The following LRRTM4 variants were observed in gnomAD, a reference collection of about 807,000 sequenced individuals.
The protein encoded by LRRTM4 is leucine-rich repeat transmembrane neuronal protein 4.
In LRRTM4, 25 loss-of-function variants were observed where a neutral mutation model predicts 47.6. That is an observed-to-expected ratio of 0.53 (90% confidence interval 0.38 to 0.73). The LOEUF (loss-of-function observed/expected upper bound fraction) is 0.73. LRRTM4 is among the 30% of genes least tolerant of loss of function. The pLI is 0.00. For synonymous variants in LRRTM4, 311 were observed against 269.5 expected (o/e 1.15, Z -1.51); for missense variants, 638 against 713.4 (o/e 0.89, Z 1.20).
chr2:76,988,094 T>C (rs988520718), intron 3 of LRRTM4, among the ~76,000 whole-genome samples: 11 of 151,894 alleles, frequency 7.2e-5, no homozygotes, highest in Non-Finnish European at 1.3e-4. Context: ...TTTTTTCTTC[T>C]ATCAACTTTC....
chr2:77,013,717 T>C (rs1677957458), intron 3 of LRRTM4, among the ~76,000 whole-genome samples: 1 of 152,038 alleles, frequency 6.6e-6, no homozygotes. Flanking sequence ...ATTTACACAA[T>C]CTCTTGGACA....
intron 3 of LRRTM4, among the ~76,000 whole-genome samples, chr2:77,457,129 T>C (rs1255139777): frequency 3.4e-5 from 5 of 148,736 alleles, no homozygotes; most frequent in African/African-American, 1.2e-4. Context: ...TTTTTAAAAA[T>C]ACTAGTTATA....
chr2:76,938,436 T>C (rs1675030358), intron 3 of LRRTM4, among the ~76,000 whole-genome samples: 1 of 152,178 alleles, frequency 6.6e-6, no homozygotes, highest in African/African-American at 2.4e-5. Context: ...TTTAGAGTGA[T>C]TTTACTGATG....
intron 3 of LRRTM4, among the ~76,000 whole-genome samples, chr2:77,454,279 G>T (rs1454021027): frequency 6.6e-6 from 1 of 152,146 alleles, no homozygotes; most frequent in Non-Finnish European, 1.5e-5. Context: ...TCCTAAAAGA[G>T]GAACAAGAAC....
intron 3 of LRRTM4, among the ~76,000 whole-genome samples, chr2:76,964,583 C>G (rs1007931214): frequency 6.0e-5 from 9 of 150,414 alleles, no homozygotes; most frequent in African/African-American, 2.2e-4. Flanking sequence ...ATATTGAAAA[C>G]TGAAATAAAA....
intron 3 of LRRTM4, among the ~76,000 whole-genome samples, chr2:76,788,311 T>A (rs1331590076): frequency 6.6e-6 from 1 of 152,190 alleles, no homozygotes; most frequent in South Asian, 2.1e-4. Context: ...AGGAGTCACA[T>A]AGTCACATTA....
chr2:76,765,185 T>C lies in LRRTM4; in HGVS notation c.1552-16269A>G, dbSNP rs1258644611. Among the ~76,000 whole-genome samples, 13 of 152,248 alleles carry C rather than the reference T, an allele frequency of 8.5e-5. 1 individual carries two copies. The highest frequency in any genetic ancestry group is 8.5e-4 in the Admixed American group (13 of 15,292). On this transcript the variant is annotated intron_variant, in intron 3 of 3. Coordinates refer to ENST00000409884, the MANE Select transcript of LRRTM4 (RefSeq NM_001134745.3). ...TTTCTCTCTGTTAGAATAGGTCGTCTATTCTATGCATGTCACAGCATGATA... is the reference window on the plus strand; with the variant it reads ...TTTCTCTCTGTTAGAATAGGTCGTCCATTCTATGCATGTCACAGCATGATA...
intron 3 of LRRTM4, among the ~76,000 whole-genome samples, chr2:76,928,232 TGATAA>T (rs1157448246): frequency 6.6e-6 from 1 of 152,180 alleles, no homozygotes; most frequent in African/African-American, 2.4e-5. Context: ...TTTAAAATAT[TGATAA>T]AATAAAAATT....
chr2:77,114,859 C>T (rs533926180), intron 3 of LRRTM4, among the ~76,000 whole-genome samples: 11 of 152,128 alleles, frequency 7.2e-5, no homozygotes, highest in Non-Finnish European at 1.5e-4. Flanking sequence ...ATAAAGATCA[C>T]GAGGCAAGGC....
chr2:77,430,467 A>C (rs1573403820), intron 3 of LRRTM4, among the ~76,000 whole-genome samples: 1 of 152,228 alleles, frequency 6.6e-6, no homozygotes, highest in East Asian at 1.9e-4. Flanking sequence ...CATGGCTGTA[A>C]TCCTAGCATT....
At chr2:77,448,105 A>C (rs1676123227) in intron 3 of LRRTM4, among the ~76,000 whole-genome samples, 1 of 152,228 alleles carries the variant, frequency 6.6e-6, no homozygotes, top group Admixed American at 6.5e-5. Context: ...TTCTCTAATT[A>C]ATTTCTTATC....
chr2:76,765,161 TTC>T (rs762418454), intron 3 of LRRTM4, among the ~76,000 whole-genome samples: 144 of 152,320 alleles, frequency 9.5e-4, no homozygotes, highest in Non-Finnish European at 1.6e-3. Flanking sequence ...TTTCTTTCAT[TTC>T]TCTCTGTTAG....
intron 3 of LRRTM4, among the ~76,000 whole-genome samples, chr2:77,462,200 T>C (rs1676816368): frequency 1.3e-5 from 2 of 152,110 alleles, no homozygotes; most frequent in Admixed American, 6.6e-5. Context: ...TTTCACAGTA[T>C]TGAGAAAGCC....
intron 3 of LRRTM4, among the ~76,000 whole-genome samples, chr2:77,339,395 C>T (rs552316207): frequency 1.3e-4 from 19 of 151,930 alleles, no homozygotes; most frequent in Admixed American, 5.9e-4. Context: ...AATTTTAGGA[C>T]GACTTTTTTT....
At chr2:76,865,335 C>T (rs78705551) in intron 3 of LRRTM4, among the ~76,000 whole-genome samples, 6,454 of 152,124 alleles carry the variant, frequency 0.042, 448 homozygotes, top group African/African-American at 0.14. Flanking sequence ...TTTGGATGCT[C>T]TCAGGTAGTG....
chr2:76,796,810 C>A (rs184437210), intron 3 of LRRTM4, among the ~76,000 whole-genome samples: 2 of 151,970 alleles, frequency 1.3e-5, no homozygotes, highest in East Asian at 3.9e-4. Context: ...ATGACTTTGA[C>A]AAGCTGAGTG....
chr2:76,794,902 A>G (rs1173224513), intron 3 of LRRTM4, among the ~76,000 whole-genome samples: 2 of 152,192 alleles, frequency 1.3e-5, no homozygotes, highest in Non-Finnish European at 2.9e-5. Context: ...AGTTGTAGAA[A>G]AATTAAGATT....
chr2:77,148,227 T>C (rs1007962163), intron 3 of LRRTM4, among the ~76,000 whole-genome samples: 1 of 152,208 alleles, frequency 6.6e-6, no homozygotes, highest in African/African-American at 2.4e-5. Flanking sequence ...TTGCTGTTGA[T>C]TTCAGCTTGG....
intron 3 of LRRTM4, among the ~76,000 whole-genome samples, chr2:77,022,217 A>G (rs963366461): frequency 3.9e-5 from 6 of 152,184 alleles, no homozygotes; most frequent in Non-Finnish European, 5.9e-5. Flanking sequence ...AGTCTTATTC[A>G]CTACCATGGG....
Sources: gnomAD v4.1 joint callset for allele counts (sites outside exome capture counted in the v4.1 genomes callset) on GRCh38, gnomAD v4.1.1 for gene constraint, MANE v1.5 for transcripts, NCBI Gene and HGNC (gene_info 2026-07-23, HGNC 2026-07-21) for gene names.